Variants in DTD1 observed in about 807,000 individuals in gnomAD.
DTD1 encodes the protein D-tyrosyl-tRNA deacylase 1 homolog.
Under a neutral mutation model 25.6 loss-of-function variants are expected in DTD1, and 13 were observed. The ratio of observed to expected loss-of-function variants is 0.51; its 90% CI spans 0.33 to 0.81. The LOEUF (loss-of-function observed/expected upper bound fraction) is 0.81. Ranked by LOEUF, DTD1 falls within the 30% of genes least tolerant of loss-of-function variation. DTD1 has a pLI of 0.02. For missense variants in DTD1, 193 were observed against 266.4 expected (o/e 0.72, Z 1.92); for synonymous variants, 110 against 103.6 (o/e 1.06, Z -0.37).
chr20:18,647,642 G>C (rs2060855456), intron 4 of DTD1, among the ~76,000 whole-genome samples: 1 of 152,104 alleles, frequency 6.6e-6, no homozygotes, highest in Admixed American at 6.6e-5. Context: ...AAGGCAGGGG[G>C]TGGGGAGGAT....
chr20:18,630,987 G>A, intron 4 of DTD1: 1 of 856,748 alleles, frequency 1.2e-6, no homozygotes, highest in Non-Finnish European at 1.4e-6. Context: ...TGTGATACCA[G>A]CCTTATTACT....
At chr20:18,673,926 A>G in intron 4 of DTD1, among the ~76,000 whole-genome samples, 1 of 152,204 alleles carries the variant, frequency 6.6e-6, no homozygotes, top group South Asian at 2.1e-4. Context: ...TTTATTTAGA[A>G]CTAACAATTT....
intron 4 of DTD1, among the ~76,000 whole-genome samples, chr20:18,659,487 A>G (rs2060901627): frequency 6.6e-6 from 1 of 152,170 alleles, no homozygotes; most frequent in African/African-American, 2.4e-5. Context: ...TTACTTAACC[A>G]TATCTTTTAA....
intron 4 of DTD1, among the ~76,000 whole-genome samples, chr20:18,658,736 CTG>C (rs2060899089): frequency 6.6e-6 from 1 of 152,200 alleles, no homozygotes; most frequent in Non-Finnish European, 1.5e-5. Flanking sequence ...AAATGTTTAT[CTG>C]TTTCACAGAG....
chr20:18,633,258 C>T (rs1430977114), intron 4 of DTD1, among the ~76,000 whole-genome samples: 1 of 152,156 alleles, frequency 6.6e-6, no homozygotes, highest in Non-Finnish European at 1.5e-5. Flanking sequence ...TCACCTACTG[C>T]ATCTGCTGTT....
At chr20:18,607,335 A>G (rs1473856764) in intron 3 of DTD1, among the ~76,000 whole-genome samples, 1 of 151,826 alleles carries the variant, frequency 6.6e-6, no homozygotes, top group Non-Finnish European at 1.5e-5. Flanking sequence ...TAATTTTTGT[A>G]TTTTTAATAG....
chr20:18,697,085 G>T (rs1341637161), intron 4 of DTD1, among the ~76,000 whole-genome samples: 1 of 151,628 alleles, frequency 6.6e-6, no homozygotes, highest in Non-Finnish European at 1.5e-5. Context: ...CAAAAAAATT[G>T]TCCAGGCGTG....
chr20:18,750,777 T>C (rs769914945), intron 5 of DTD1, among the ~76,000 whole-genome samples: 2 of 152,228 alleles, frequency 1.3e-5, no homozygotes, highest in Non-Finnish European at 2.9e-5. Flanking sequence ...TGGCCACTGC[T>C]AAAGGCACTA....
chr20:18,722,278 C>T (rs1003555709), intron 4 of DTD1, among the ~76,000 whole-genome samples: 4 of 152,220 alleles, frequency 2.6e-5, no homozygotes, highest in East Asian at 1.9e-4. Flanking sequence ...GCCCATCTGG[C>T]GGTACCAGGC....
chr20:18,598,209 A>C (rs2060619500), intron 3 of DTD1, among the ~76,000 whole-genome samples: 1 of 151,278 alleles, frequency 6.6e-6, no homozygotes, highest in Non-Finnish European at 1.5e-5. Flanking sequence ...ACTCCCACTT[A>C]TAAGTAAGAA....
rs2328328 is a variant in DTD1, at chr20:18,667,580, A to G, written c.477+39347A>G. On this transcript the variant is annotated intron_variant, in intron 4 of 5. Transcript: ENST00000377452. ...GAAGGGAAGGTCCCCCCTGGCATAC[A>G]GCGGGTGTTTTTTTGAACATTTGTT... 2.4e-3 allele frequency among the ~76,000 whole-genome samples: 370 copies of G among 152,268 alleles called. 7 individuals are homozygous for G. Among genetic ancestry groups the G allele is most frequent in the Admixed American group, 0.02 (303 of 15,304 alleles).
intron 5 of DTD1, among the ~76,000 whole-genome samples, chr20:18,757,206 G>C (rs2061342700): frequency 6.6e-6 from 1 of 152,182 alleles, no homozygotes; most frequent in Non-Finnish European, 1.5e-5. Flanking sequence ...TACAATTCAT[G>C]TCATCTGCAA....
intron 5 of DTD1, among the ~76,000 whole-genome samples, chr20:18,744,655 A>ACAAC (rs2061293255): frequency 8.3e-6 from 1 of 119,916 alleles, no homozygotes; most frequent in Non-Finnish European, 1.7e-5. Context: ...AAAACAAAAA[A>ACAAC]CAAGTGAAAG....
intron 3 of DTD1, among the ~76,000 whole-genome samples, chr20:18,600,721 C>T (rs1048876752): frequency 3.3e-5 from 5 of 152,118 alleles, no homozygotes; most frequent in Admixed American, 2.0e-4. Flanking sequence ...TATTGAATCT[C>T]CCTGTCTATG....
chr20:18,648,557 A>G (rs978578179), intron 4 of DTD1, among the ~76,000 whole-genome samples: 1 of 152,200 alleles, frequency 6.6e-6, no homozygotes, highest in Non-Finnish European at 1.5e-5. Context: ...TTGTTCAAAA[A>G]GCAGTAGAAA....
At chr20:18,750,098 C>T (rs905637104) in intron 5 of DTD1, among the ~76,000 whole-genome samples, 3 of 152,154 alleles carry the variant, frequency 2.0e-5, no homozygotes, top group Non-Finnish European at 4.4e-5. Flanking sequence ...AGGACCAGAG[C>T]GGGGCTGGGT....
chr20:18,592,125 A>G (rs992773984), intron 1 of DTD1, among the ~76,000 whole-genome samples: 2 of 152,190 alleles, frequency 1.3e-5, no homozygotes, highest in African/African-American at 4.8e-5. Flanking sequence ...GACATAGTCT[A>G]TGTTACTGTG....
At chr20:18,732,599 T>TA (rs2122506831) in intron 4 of DTD1, among the ~76,000 whole-genome samples, 1 of 152,222 alleles carries the variant, frequency 6.6e-6, no homozygotes, top group East Asian at 1.9e-4. Context: ...ACCCAGGATA[T>TA]AGGTGTGGTG....
intron 4 of DTD1, among the ~76,000 whole-genome samples, chr20:18,695,606 C>A (rs2061073159): frequency 1.9e-5 from 1 of 51,374 alleles, no homozygotes; most frequent in Non-Finnish European, 3.8e-5. Context: ...CCTCCCCTCC[C>A]CCCTTCCCTT....
Sources: gnomAD v4.1 joint callset for allele counts (sites outside exome capture counted in the v4.1 genomes callset) on GRCh38, gnomAD v4.1.1 for gene constraint, MANE v1.5 for transcripts, NCBI Gene and HGNC (gene_info 2026-07-23, HGNC 2026-07-21) for gene names.